Variants in DLC1 observed in about 807,000 individuals in gnomAD.
DLC1 encodes the protein DLC1 Rho GTPase activating protein.
A neutral mutation model predicts 140.3 loss-of-function variants in DLC1; 54 were observed. The ratio of observed to expected loss-of-function variants is 0.38; its 90% CI spans 0.31 to 0.48. The LOEUF (loss-of-function observed/expected upper bound fraction) is 0.48. Among genes scored for constraint, DLC1 ranks in the 20% least tolerant of loss-of-function variants. DLC1 has a pLI of 0.96. For missense variants in DLC1, 2,536 were observed against 1,907.0 expected, an observed-to-expected ratio of 1.33 and a Z score of -6.14; for synonymous variants, 986 against 728.1, an observed-to-expected ratio of 1.35 and a Z score of -5.70.
intron 6 of DLC1, among the ~76,000 whole-genome samples, chr8:13,112,557 G>A (rs979757918): frequency 5.3e-5 from 8 of 152,200 alleles, no homozygotes; most frequent in Middle Eastern, 3.4e-3. Flanking sequence ...CTAATTTATA[G>A]ACCAAGTCTC....
At chr8:13,229,117 C>T (rs1239955444) in intron 5 of DLC1, among the ~76,000 whole-genome samples, 1 of 152,200 alleles carries the variant, frequency 6.6e-6, no homozygotes, top group Non-Finnish European at 1.5e-5. Flanking sequence ...GCTCACACAA[C>T]AGTCCATACC....
intron 2 of DLC1, among the ~76,000 whole-genome samples, chr8:13,411,512 C>A (rs1182942486): frequency 1.3e-5 from 2 of 152,118 alleles, no homozygotes; most frequent in Non-Finnish European, 2.9e-5. Context: ...ATGTACAACA[C>A]CAATAGTAGA....
chr8:13,444,037 A>C (rs1585118000), intron 2 of DLC1, among the ~76,000 whole-genome samples: 1 of 152,234 alleles, frequency 6.6e-6, no homozygotes, highest in Non-Finnish European at 1.5e-5. Flanking sequence ...AAGTGAAAAT[A>C]TTCTTCTCAA....
At chr8:13,107,158 A>G (rs979728620) in intron 7 of DLC1, among the ~76,000 whole-genome samples, 3 of 152,236 alleles carry the variant, frequency 2.0e-5, no homozygotes, top group African/African-American at 7.2e-5. Context: ...TCTAAATCCA[A>G]AAAATCTATA....
At chr8:13,183,706 G>C (rs1826173319) in intron 5 of DLC1, among the ~76,000 whole-genome samples, 1 of 152,150 alleles carries the variant, frequency 6.6e-6, no homozygotes. Context: ...TGTTCTGCTG[G>C]ATTAGGTTTG....
At chr8:13,100,841 G>A (rs1200320564) in intron 8 of DLC1, 71 bp from the exon 9 acceptor site, 9 of 1,462,024 alleles carry the variant, frequency 6.2e-6, no homozygotes, top group Non-Finnish European at 7.3e-6. Context: ...ATGAGCAGGA[G>A]GCTGCTCATA....
intron 5 of DLC1, chr8:13,304,752 C>T: frequency 2.1e-6 from 2 of 956,148 alleles, no homozygotes; most frequent in Non-Finnish European, 2.5e-6. Flanking sequence ...TTGTCCATTT[C>T]CCATAATACT....
At chr8:13,368,860 G>A (rs1013006913) in intron 4 of DLC1, among the ~76,000 whole-genome samples, 1 of 152,146 alleles carries the variant, frequency 6.6e-6, no homozygotes, top group African/African-American at 2.4e-5. Context: ...GTCTCACTCT[G>A]TTGCCCAGGC....
intron 1 of DLC1, among the ~76,000 whole-genome samples, chr8:13,505,234 AT>A (rs1246549873): frequency 1.3e-5 from 2 of 152,214 alleles, no homozygotes; most frequent in Non-Finnish European, 2.9e-5. Context: ...ATATGAAGCA[AT>A]GATTTTCAGT....
chr8:13,588,619 AAT>A (rs1805411832), intron 1 of DLC1, among the ~76,000 whole-genome samples: 1 of 152,114 alleles, frequency 6.6e-6, no homozygotes, highest in Non-Finnish European at 1.5e-5. Context: ...AGTGACAGAA[AAT>A]AGTCTTAAAT....
intron 2 of DLC1, among the ~76,000 whole-genome samples, chr8:13,415,853 G>C (rs900127988): frequency 6.6e-6 from 1 of 152,042 alleles, no homozygotes; most frequent in Non-Finnish European, 1.5e-5. Context: ...CAGGTATAAA[G>C]AATATTTCTG....
intron 4 of DLC1, among the ~76,000 whole-genome samples, chr8:13,322,204 T>C (rs764775563): frequency 2.0e-5 from 3 of 152,192 alleles, no homozygotes; most frequent in African/African-American, 4.8e-5. Flanking sequence ...TATAATATTA[T>C]CTACTGGTTA....
At chr8:13,376,273 T>G (rs1380592517) in intron 4 of DLC1, among the ~76,000 whole-genome samples, 1 of 152,182 alleles carries the variant, frequency 6.6e-6, no homozygotes, top group African/African-American at 2.4e-5. Context: ...ACTTGCTTTC[T>G]TTGAATAATG....
rs77753653 is a variant in DLC1 at position 13,406,181 on chromosome 8, G to GTTTTTTTTTTTTTTTT, written c.1024-4578_1024-4563dup. Among the ~76,000 whole-genome samples the GTTTTTTTTTTTTTTTT allele has an allele frequency of 8.2e-5, 7 of 84,956 alleles. No individual in the cohort carries two copies. The South Asian group carries it at 2.5e-3, about 30-fold the overall frequency. 55.7% of individuals were successfully genotyped at this position (84,956 alleles called of 152,430 possible). ...GCCACCATCCCCAGCTAATTTTTGT[G>GTTTTTTTTTTTTTTTT]TTTTTTTTTTTTTTTTTCAGTGGAG... On this transcript the variant is annotated intron_variant, in intron 2 of 17. Coordinates refer to ENST00000276297, the MANE Select transcript of DLC1 (RefSeq NM_182643.3).
chr8:13,388,525 A>G (rs1255072739), intron 4 of DLC1, among the ~76,000 whole-genome samples: 1 of 152,054 alleles, frequency 6.6e-6, no homozygotes, highest in African/African-American at 2.4e-5. Flanking sequence ...AGATTGTATG[A>G]CTACATAAGA....
At chr8:13,164,772 C>A (rs1013091490) in intron 5 of DLC1, among the ~76,000 whole-genome samples, 1 of 152,136 alleles carries the variant, frequency 6.6e-6, no homozygotes, top group African/African-American at 2.4e-5. Flanking sequence ...AATGCTCTAC[C>A]CAGACACTGT....
chr8:13,372,699 G>A (rs548034983), intron 4 of DLC1, among the ~76,000 whole-genome samples: 1 of 152,100 alleles, frequency 6.6e-6, no homozygotes, highest in Non-Finnish European at 1.5e-5. Flanking sequence ...ATAGTGGAAA[G>A]TTCAAGGCAT....
At chr8:13,497,895 T>C (rs1261092525) in intron 2 of DLC1, among the ~76,000 whole-genome samples, 1 of 152,236 alleles carries the variant, frequency 6.6e-6, no homozygotes, top group African/African-American at 2.4e-5. Context: ...TGATTTTTGC[T>C]GTAAAGTCTT....
chr8:13,138,363 A>G (rs890704257), intron 5 of DLC1, among the ~76,000 whole-genome samples: 2 of 152,218 alleles, frequency 1.3e-5, no homozygotes, highest in African/African-American at 4.8e-5. Flanking sequence ...AGATGCTGGC[A>G]ACTAATTTTA....
Sources: allele counts gnomAD v4.1 joint callset (sites outside exome capture counted in the v4.1 genomes callset), GRCh38; gene constraint gnomAD v4.1.1; transcripts MANE v1.5; gene names NCBI Gene and HGNC (gene_info 2026-07-23, HGNC 2026-07-21).